Variants in HERC4 observed in about 807,000 individuals in gnomAD.
HERC4 encodes HECT and RLD domain containing E3 ubiquitin protein ligase 4.
HERC4 carries 28 observed loss-of-function variants against 124.3 expected under a neutral mutation model. The observed-to-expected ratio is 0.23, with a 90% CI of 0.17 to 0.31. The LOEUF is 0.31. HERC4 is among the 10% of genes least tolerant of loss of function. HERC4 has a pLI of 1.00. For synonymous variants in HERC4, 407 were observed against 421.5 expected (o/e 0.97, Z 0.42); for missense variants, 713 against 1,229.3 (o/e 0.58, Z 6.28).
chr10:68,067,505 G>T (rs564067029), intron 3 of HERC4, among the ~76,000 whole-genome samples: 1 of 152,208 alleles, frequency 6.6e-6, no homozygotes, highest in East Asian at 1.9e-4. Flanking sequence ...GGATAATCTG[G>T]TATTTTTATT....
chr10:67,972,339 T>C (rs1185586358), intron 15 of HERC4, among the ~76,000 whole-genome samples: 2 of 149,606 alleles, frequency 1.3e-5, no homozygotes, highest in African/African-American at 2.5e-5. Flanking sequence ...CTGACCAACA[T>C]GGAGAAACCC....
intron 9 of HERC4, among the ~76,000 whole-genome samples, chr10:68,002,397 A>T: frequency 6.6e-6 from 1 of 152,134 alleles, no homozygotes; most frequent in Non-Finnish European, 1.5e-5. Context: ...ATATGAAAAG[A>T]AGGACATTTT....
chr10:68,034,238 T>TAATTTG (rs755774061), intron 5 of HERC4, 52 bp from the exon 6 acceptor site: 6 of 1,327,420 alleles, frequency 4.5e-6, no homozygotes, highest in Non-Finnish European at 6.4e-6. Context: ...GCAAAAAATT[T>TAATTTG]AATTTGAAAA....
intron 8 of HERC4, among the ~76,000 whole-genome samples, chr10:68,023,114 T>C (rs2038728147): frequency 6.6e-6 from 1 of 152,018 alleles, no homozygotes; most frequent in Non-Finnish European, 1.5e-5. Flanking sequence ...GGGCAGTTAC[T>C]ATGAGAAACA....
At chr10:68,001,529 A>C (rs2037231699) in intron 9 of HERC4, among the ~76,000 whole-genome samples, 1 of 152,194 alleles carries the variant, frequency 6.6e-6, no homozygotes, top group Non-Finnish European at 1.5e-5. Flanking sequence ...TATCCTATAC[A>C]GCTTGAGTAC....
chr10:67,927,832 G>A (rs576858825), intron 23 of HERC4, among the ~76,000 whole-genome samples: 1 of 152,240 alleles, frequency 6.6e-6, no homozygotes, highest in East Asian at 1.9e-4. Context: ...CCTAGGTGCT[G>A]GGAATACAGC....
chr10:67,952,910 A>G (rs200162845), intron 19 of HERC4, among the ~76,000 whole-genome samples: 1 of 128,154 alleles, frequency 7.8e-6, no homozygotes, highest in Non-Finnish European at 1.8e-5. Flanking sequence ...AAAAAAAAAG[A>G]AAAAAAAAAA....
chr10:67,979,922 G>A (rs925909441), intron 15 of HERC4, among the ~76,000 whole-genome samples: 2 of 150,998 alleles, frequency 1.3e-5, no homozygotes, highest in African/African-American at 2.4e-5. Context: ...GGGCGACAGA[G>A]CAAGACTCCA....
intron 3 of HERC4, among the ~76,000 whole-genome samples, chr10:68,049,215 T>C (rs1025474579): frequency 6.6e-6 from 1 of 151,444 alleles, no homozygotes; most frequent in African/African-American, 2.4e-5. Context: ...AAGAGGAAAC[T>C]ACACATTGTT....
At position 67,923,155 on chromosome 10, in the gene HERC4, T is replaced by A; in HGVS notation, c.2942-16A>T. On this transcript the variant is annotated splice_polypyrimidine_tract_variant and intron_variant, in intron 24 of 24. Transcript: ENST00000373700. ...GTCAAAAATACTGCCAAGAAAGAAA[T>A]CATTCAGTCAACCACTTCAAAACAA... is the stretch of plus-strand genomic sequence containing the variant. 5.6e-6 allele frequency: 9 copies of A among 1,599,098 alleles called. No homozygotes were observed. The highest frequency in any genetic ancestry group is 7.7e-6 in the Non-Finnish European group (9 of 1,168,102).
chr10:68,042,559 G>C (rs1032946851), intron 4 of HERC4, among the ~76,000 whole-genome samples: 1 of 152,156 alleles, frequency 6.6e-6, no homozygotes, highest in African/African-American at 2.4e-5. Context: ...GGAGGTCGAG[G>C]CTGCAGTGAG....
intron 9 of HERC4, among the ~76,000 whole-genome samples, chr10:68,009,670 C>T (rs1276664772): frequency 1.3e-5 from 2 of 152,248 alleles, no homozygotes; most frequent in East Asian, 3.9e-4. Flanking sequence ...AAGTTTGCTA[C>T]ACTGATTGAC....
At chr10:67,952,311 G>A (rs910457673) in intron 19 of HERC4, among the ~76,000 whole-genome samples, 1 of 152,078 alleles carries the variant, frequency 6.6e-6, no homozygotes, top group African/African-American at 2.4e-5. Flanking sequence ...ACTAAAGAGA[G>A]TCTCGTTTTG....
chr10:67,928,853 G>A (rs1390122789), intron 23 of HERC4, among the ~76,000 whole-genome samples: 2 of 151,956 alleles, frequency 1.3e-5, no homozygotes, highest in Admixed American at 6.6e-5. Flanking sequence ...CTTGGGAGGC[G>A]GAGGCTGCAG....
intron 16 of HERC4, chr10:67,960,598 TG>T (rs1342052049): frequency 6.5e-6 from 1 of 155,028 alleles, no homozygotes; most frequent in African/African-American, 2.4e-5. Flanking sequence ...TTGGTTAGGC[TG>T]GTTTCGAACT....
At chr10:67,929,282 A>G (rs953073329) in intron 23 of HERC4, among the ~76,000 whole-genome samples, 8 of 152,124 alleles carry the variant, frequency 5.3e-5, no homozygotes, top group African/African-American at 1.9e-4. Context: ...AGATCTGTGT[A>G]ACCACTGCCA....
intron 9 of HERC4, chr10:68,010,689 A>C: frequency 6.8e-7 from 1 of 1,480,172 alleles, no homozygotes; most frequent in Non-Finnish European, 9.3e-7. Flanking sequence ...CGCCGCTTAC[A>C]CATGTTCTTG....
intron 3 of HERC4, among the ~76,000 whole-genome samples, chr10:68,072,353 C>T (rs984305697): frequency 6.6e-6 from 1 of 151,924 alleles, no homozygotes; most frequent in East Asian, 1.9e-4. Context: ...AGCAATGCTA[C>T]AGAAAGTAGA....
chr10:67,968,865 T>G (rs1369467167), intron 15 of HERC4, among the ~76,000 whole-genome samples: 2 of 152,120 alleles, frequency 1.3e-5, no homozygotes, highest in African/African-American at 4.8e-5. Context: ...CTGCTCTCAT[T>G]AACTGATAGA....
Sources: allele counts gnomAD v4.1 joint callset (sites outside exome capture counted in the v4.1 genomes callset), GRCh38; gene constraint gnomAD v4.1.1; transcripts MANE v1.5; gene names NCBI Gene and HGNC (gene_info 2026-07-23, HGNC 2026-07-21).